ERGIC2: variants seen among roughly 807,000 people sequenced by gnomAD.
ERGIC2 encodes ERGIC and golgi 2.
A neutral mutation model predicts 52.5 loss-of-function variants in ERGIC2; 31 were observed. That is an observed-to-expected ratio of 0.59 (90% CI 0.44 to 0.80). The LOEUF (loss-of-function observed/expected upper bound fraction) is 0.80. Ranked by LOEUF, ERGIC2 falls within the 30% of genes least tolerant of loss-of-function variation. The pLI is 0.00. For missense variants in ERGIC2, 395 were observed against 455.2 expected (o/e 0.87, Z 1.20); for synonymous variants, 129 against 140.6 (o/e 0.92, Z 0.58).
chr12:29,357,117 C>T (rs1228020001), intron 7 of ERGIC2, among the ~76,000 whole-genome samples: 3 of 151,944 alleles, frequency 2.0e-5, no homozygotes, highest in African/African-American at 7.3e-5. Flanking sequence ...CATACATGCA[C>T]CCACCACACC....
rs758501091 is a variant in ERGIC2 at position 29,340,809 on chromosome 12, T to C, written c.*347A>G. ...TCAATGTTTTTTTTTTTCCCATAGA[T>C]GTAGTTTCACTTATTTCCTTCAGGC... On this transcript the variant is annotated 3_prime_UTR_variant, in exon 14 of 14. Transcript: ENST00000360150. 10 of 437,030 alleles carry C rather than the reference T, an allele frequency of 2.3e-5. No homozygotes were observed. Among genetic ancestry groups the C allele is most frequent in the African/African-American group, 2.1e-4 (10 of 48,458 alleles). 27.1% of individuals were successfully genotyped at this position (437,030 alleles called of 1,614,324 possible).
intron 8 of ERGIC2, among the ~76,000 whole-genome samples, chr12:29,354,552 C>T (rs891584311): frequency 6.6e-6 from 1 of 152,128 alleles, no homozygotes; most frequent in African/African-American, 2.4e-5. Flanking sequence ...TTGAGACTGA[C>T]ATTGTGTCTG....
At position 29,357,911 on chromosome 12, in the gene ERGIC2, T is replaced by A. The variant is rs193101759; in HGVS notation, c.375-187A>T. Among the ~76,000 whole-genome samples, 18 of 152,332 alleles carry A rather than the reference T, an allele frequency of 1.2e-4. No individual in the cohort carries two copies. In the East Asian group the frequency reaches 1.7e-3, roughly 15 times the overall value. On this transcript the variant is annotated intron_variant, in intron 6 of 13. Transcript: ENST00000360150. ...TTGAAAGCAAATGAGGCAGGGTGGCTAAGAGGTCTAATAGCTGAGCTCCAT... is the reference window on the plus strand; with the variant it reads ...TTGAAAGCAAATGAGGCAGGGTGGCAAAGAGGTCTAATAGCTGAGCTCCAT...
chr12:29,346,963 G>C (rs1367580574), intron 10 of ERGIC2, among the ~76,000 whole-genome samples: 4 of 152,174 alleles, frequency 2.6e-5, no homozygotes, highest in Non-Finnish European at 4.4e-5. Context: ...GGGATGTTAA[G>C]AAACAGGCCA....
rs768522622 is a variant in ERGIC2, at chr12:29,356,482, T to A, written c.477-5A>T. 3.4e-6 allele frequency: 5 copies of A among 1,473,502 alleles called. No homozygotes were observed. The highest frequency in any genetic ancestry group is 2.8e-5 in the African/African-American group (2 of 72,126). The allele number at this position is 1,473,502 out of a possible 1,614,324, so 91.3% of individuals were successfully genotyped here. Reference sequence around the variant, plus strand: ...GACTGTGATGAATCATCTTCTCTGTTAAAATAAGATATATTATTTAAAGCA... The same window carrying A: ...GACTGTGATGAATCATCTTCTCTGTAAAAATAAGATATATTATTTAAAGCA... On this transcript the variant is annotated splice_region_variant and splice_polypyrimidine_tract_variant and intron_variant, in intron 7 of 13. Transcript: ENST00000360150.
chr12:29,360,624 GATT>G (rs577674338), intron 6 of ERGIC2, among the ~76,000 whole-genome samples: 367 of 146,758 alleles, frequency 2.5e-3, no homozygotes, highest in African/African-American at 8.5e-3. Context: ...ATATTATATA[GATT>G]ATATGTAAGA....
chr12:29,355,527 T>C (rs1386405529), intron 8 of ERGIC2, among the ~76,000 whole-genome samples: 1 of 152,130 alleles, frequency 6.6e-6, no homozygotes, highest in African/African-American at 2.4e-5. Flanking sequence ...GATGGATGGA[T>C]CTATTTATTC....
chr12:29,340,794 T>C lies in ERGIC2; in HGVS notation c.*362A>G, dbSNP rs1222821574. On this transcript the variant is annotated 3_prime_UTR_variant, in exon 14 of 14. Coordinates refer to ENST00000360150, the MANE Select transcript of ERGIC2 (RefSeq NM_016570.3). ...GAACATTTGCACTTCTCAATGTTTT[T>C]TTTTTTCCCATAGATGTAGTTTCAC... 4 of 428,060 alleles carry C rather than the reference T, an allele frequency of 9.3e-6. No homozygotes were observed. The highest frequency in any genetic ancestry group is 7.0e-5 in the South Asian group (4 of 57,430). The allele number at this position is 428,060 out of a possible 1,614,324, so 26.5% of individuals were successfully genotyped here.
Position 29,371,533 on chromosome 12 carries a change from C to G in ERGIC2, c.101G>C (p.Gly34Ala), listed in dbSNP as rs745827118. The G allele has an allele frequency of 6.2e-7, 1 of 1,603,438 alleles. No individual in the cohort carries two copies. Among genetic ancestry groups the G allele is most frequent in the Non-Finnish European group, 8.5e-7 (1 of 1,173,828 alleles). Reference protein sequence around the residue: ...ESYVETSASGGTVSLIAFTTM... With the variant: ...ESYVETSASGATVSLIAFTTM... ...TAATGTTAACTGATACTCACCTGTA[C>G]CTCCACTGGCTGAAGTCTCTACATA... Residue 34 changes from glycine to alanine, a missense_variant, in exon 2 of 14, where the codon GGT (glycine) becomes GCT (alanine). Transcript: ENST00000360150.
chr12:29,356,915 C>A (rs1940214144), intron 7 of ERGIC2, among the ~76,000 whole-genome samples: 1 of 151,810 alleles, frequency 6.6e-6, no homozygotes, highest in African/African-American at 2.4e-5. Context: ...AATGTAAAAT[C>A]TTGTATATTT....
intron 1 of ERGIC2, among the ~76,000 whole-genome samples, chr12:29,379,756 A>G (rs969897642): frequency 1.3e-5 from 2 of 152,194 alleles, no homozygotes; most frequent in Non-Finnish European, 2.9e-5. Flanking sequence ...TTTGACCACT[A>G]TGACATTAAG....
At chr12:29,353,761 T>G (rs1940166324) in intron 8 of ERGIC2, among the ~76,000 whole-genome samples, 1 of 152,034 alleles carries the variant, frequency 6.6e-6, no homozygotes, top group Admixed American at 6.6e-5. Context: ...GTATTCATTT[T>G]ATGAAGTAAC....
intron 2 of ERGIC2, among the ~76,000 whole-genome samples, chr12:29,370,890 T>G (rs1366660076): frequency 6.6e-6 from 1 of 152,050 alleles, no homozygotes; most frequent in African/African-American, 2.4e-5. Context: ...ATACTTAAAA[T>G]AGATTTTGCA....
At chr12:29,357,217 A>C (rs1591992678) in intron 7 of ERGIC2, among the ~76,000 whole-genome samples, 1 of 151,978 alleles carries the variant, frequency 6.6e-6, no homozygotes, top group African/African-American at 2.4e-5. Flanking sequence ...TGATCCGCCC[A>C]CCTTGGCCTC....
chr12:29,361,167 G>A (rs1303142826), intron 6 of ERGIC2, among the ~76,000 whole-genome samples: 4 of 152,124 alleles, frequency 2.6e-5, no homozygotes, highest in Admixed American at 1.3e-4. Context: ...CAGGAGAATC[G>A]CTTCAACCTG....
chr12:29,365,673 TAA>T (rs58031563), intron 5 of ERGIC2, among the ~76,000 whole-genome samples: 83 of 144,580 alleles, frequency 5.7e-4, no homozygotes, highest in Middle Eastern at 7.0e-3. Context: ...GGCAGAAAAT[TAA>T]AAAAAAAAAA....
At chr12:29,366,395 AG>A (rs1279014735) in intron 5 of ERGIC2, among the ~76,000 whole-genome samples, 1 of 151,980 alleles carries the variant, frequency 6.6e-6, no homozygotes, top group Non-Finnish European at 1.5e-5. Context: ...TAAAGGAGGA[AG>A]GAAGTAGTAA....
chr12:29,361,240 G>A (rs1319905629), intron 6 of ERGIC2, among the ~76,000 whole-genome samples: 4 of 151,910 alleles, frequency 2.6e-5, no homozygotes, highest in Non-Finnish European at 5.9e-5. Flanking sequence ...AACAGAGTGA[G>A]ACTCTGTCTC....
intron 5 of ERGIC2, among the ~76,000 whole-genome samples, chr12:29,365,781 G>C (rs1267982824): frequency 6.6e-6 from 1 of 151,774 alleles, no homozygotes; most frequent in East Asian, 1.9e-4. Context: ...AAAATGAGCA[G>C]ATAATAGTGT....
Sources: allele counts gnomAD v4.1 joint callset (sites outside exome capture counted in the v4.1 genomes callset), GRCh38; gene constraint gnomAD v4.1.1; transcripts MANE v1.5; gene names NCBI Gene and HGNC (gene_info 2026-07-23, HGNC 2026-07-21).